The following ZNF487 variants were observed in gnomAD, a reference collection of about 807,000 sequenced individuals.
ZNF487 encodes the protein KRAB domain only 1.
Under a neutral mutation model 3.0 loss-of-function variants are expected in ZNF487, and 4 were observed. The observed-to-expected ratio is 1.35, with a 90% confidence interval of 0.66 to 3.08. The LOEUF is 3.08. Ranked by LOEUF, ZNF487 falls within the 30% of genes most tolerant of loss-of-function variation. ZNF487 has a pLI of 0.01. For synonymous variants in ZNF487, 55 were observed against 34.6 expected (o/e 1.59, Z -2.06); for missense variants, 146 against 98.7 (o/e 1.48, Z -2.03).
intron 1 of ZNF487, among the ~76,000 whole-genome samples, chr10:43,464,938 A>T (rs1840611784): frequency 6.7e-6 from 1 of 149,476 alleles, no homozygotes; most frequent in Non-Finnish European, 1.5e-5. Flanking sequence ...ACTTCCCAGT[A>T]GGGGCGGCCG....
the ZNF487 span, among the ~76,000 whole-genome samples, chr10:43,507,273 A>G: frequency 6.6e-6 from 1 of 152,124 alleles, no homozygotes; most frequent in Non-Finnish European, 1.5e-5. Flanking sequence ...GGGGAGCTAT[A>G]CAGATGTTAT....
chr10:43,468,706 G>C (rs868184272), intron 1 of ZNF487, among the ~76,000 whole-genome samples: 2 of 134,802 alleles, frequency 1.5e-5, no homozygotes, highest in African/African-American at 2.7e-5. Flanking sequence ...AAAAAAAAAG[G>C]CCGGGCGCAG....
chr10:43,485,623 A>G (rs1347952554), downstream of ZNF487, among the ~76,000 whole-genome samples: 1 of 152,236 alleles, frequency 6.6e-6, no homozygotes, highest in Non-Finnish European at 1.5e-5. Flanking sequence ...TTTTCAGAGA[A>G]TCAAAATATT....
chr10:43,461,009 A>T (rs1268711035), intron 1 of ZNF487, among the ~76,000 whole-genome samples: 4 of 142,184 alleles, frequency 2.8e-5, no homozygotes, highest in Middle Eastern at 6.9e-3. Context: ...TAATATCTTA[A>T]TTTTTTTTTT....
chr10:43,506,564 G>A, the ZNF487 span, among the ~76,000 whole-genome samples: 2 of 152,122 alleles, frequency 1.3e-5, no homozygotes, highest in African/African-American at 2.4e-5. Context: ...TCCCTGAGTA[G>A]TATGTTTCAG....
the ZNF487 span, among the ~76,000 whole-genome samples, chr10:43,507,964 A>C: frequency 9.9e-5 from 15 of 152,216 alleles, no homozygotes; most frequent in Admixed American, 5.9e-4. Context: ...TGTCATGGAA[A>C]AGGCGGGACT....
At chr10:43,485,842 G>A (rs1475302415), downstream of ZNF487, among the ~76,000 whole-genome samples, 1 of 152,160 alleles carries the variant, frequency 6.6e-6, no homozygotes, top group African/African-American at 2.4e-5. Context: ...TAGAGTATCT[G>A]GAGGAAGAAA....
intron 1 of ZNF487, chr10:43,454,017 A>T (rs1433612163): frequency 6.6e-6 from 1 of 152,188 alleles, no homozygotes; most frequent in South Asian, 2.1e-4. Flanking sequence ...TAATATTTTA[A>T]AAAATTGTTA....
At chr10:43,448,706 A>C (rs1589024925) in intron 1 of ZNF487, among the ~76,000 whole-genome samples, 1 of 152,134 alleles carries the variant, frequency 6.6e-6, no homozygotes, top group African/African-American at 2.4e-5. Context: ...AGTCCCAGCT[A>C]TCGGGGAGGC....
chr10:43,513,065 G>A, the ZNF487 span, among the ~76,000 whole-genome samples: 1 of 152,200 alleles, frequency 6.6e-6, no homozygotes, highest in East Asian at 1.9e-4. Context: ...GCTACTTCTT[G>A]CTCACTGGAT....
chr10:43,501,306 T>A, the ZNF487 span, among the ~76,000 whole-genome samples: 1 of 152,130 alleles, frequency 6.6e-6, no homozygotes, highest in East Asian at 1.9e-4. Context: ...GAGTGGTGAG[T>A]GTGAAGGCCT....
chr10:43,484,714 G>C (rs768749852), downstream of ZNF487, among the ~76,000 whole-genome samples: 1 of 152,002 alleles, frequency 6.6e-6, no homozygotes, highest in African/African-American at 2.4e-5. Flanking sequence ...AAAAAATCTT[G>C]TACTGAAGCA....
intron 1 of ZNF487, chr10:43,458,025 A>G (rs1437072558): frequency 6.8e-6 from 1 of 146,394 alleles, no homozygotes; most frequent in Non-Finnish European, 1.5e-5. Flanking sequence ...CCGTCTCAAT[A>G]AAAAAACAAC....
At chr10:43,467,614 TGA>T (rs1840754350) in intron 1 of ZNF487, among the ~76,000 whole-genome samples, 1 of 151,668 alleles carries the variant, frequency 6.6e-6, no homozygotes, top group Non-Finnish European at 1.5e-5. Flanking sequence ...GTCAGGAGTT[TGA>T]TACCAGCCTG....
At chr10:43,479,953 ACTCTCTTT>A (rs1318672206) in intron 3 of ZNF487, among the ~76,000 whole-genome samples, 2 of 57,198 alleles carry the variant, frequency 3.5e-5, no homozygotes, top group Non-Finnish European at 8.4e-5. Context: ...ACTGCACCTG[ACTCTCTTT>A]CTTTCTTTCT....
the ZNF487 span, among the ~76,000 whole-genome samples, chr10:43,510,652 A>G: frequency 6.6e-6 from 1 of 151,520 alleles, no homozygotes; most frequent in Admixed American, 6.6e-5. Flanking sequence ...GGTTCAAGCA[A>G]TTCTCCTGCC....
chr10:43,458,982 T>G (rs1217057531), intron 1 of ZNF487, among the ~76,000 whole-genome samples: 1 of 152,134 alleles, frequency 6.6e-6, no homozygotes, highest in East Asian at 1.9e-4. Context: ...TTTCTTATTT[T>G]GAACAACATG....
chr10:43,441,034 ATTTTTTTTTTTTTT>A lies in ZNF487; in HGVS notation c.-94+3793_-94+3806del, dbSNP rs763451709. On this transcript the variant is annotated intron_variant, in intron 1 of 3. Coordinates refer to ENST00000437590, the MANE Select transcript of ZNF487 (RefSeq NM_001355444.3). ...GGTAAATGCTACCACACCTGGTTAAATTTTTTTTTTTTTTTTTTTTTTTTTTTTTTTTTTGGTGG... is the reference window on the plus strand; with the variant it reads ...GGTAAATGCTACCACACCTGGTTAAATTTTTTTTTTTTTTTTTTTTGGTGG... 2.7e-3 allele frequency among the ~76,000 whole-genome samples: 120 copies of A among 44,554 alleles called. 2 individuals carry two copies. Among genetic ancestry groups the A allele is most frequent in the African/African-American group, 9.0e-3 (85 of 9,422 alleles). The allele number at this position is 44,554 out of a possible 152,430, so 29.2% of individuals were successfully genotyped here. A position where few individuals can be genotyped will look rare whatever the true frequency, so the allele number is the denominator to read the frequency against.
chr10:43,493,369 TTC>T, the ZNF487 span, among the ~76,000 whole-genome samples: 1 of 151,930 alleles, frequency 6.6e-6, no homozygotes, highest in East Asian at 1.9e-4. Context: ...CACTGCTTTA[TTC>T]TCTGTCTTTG....
Sources: allele counts gnomAD v4.1 joint callset (sites outside exome capture counted in the v4.1 genomes callset), GRCh38; gene constraint gnomAD v4.1.1; transcripts MANE v1.5; gene names NCBI Gene and HGNC (gene_info 2026-07-23, HGNC 2026-07-21).